The following ADAMTS19 variants were observed in gnomAD, a reference collection of about 807,000 sequenced individuals.
ADAMTS19 encodes the protein ADAM metallopeptidase with thrombospondin type 1 motif 19.
A neutral mutation model predicts 153.3 loss-of-function variants in ADAMTS19; 93 were observed. The observed-to-expected ratio is 0.61, with a 90% CI of 0.51 to 0.72. ADAMTS19 has a LOEUF of 0.72. Ranked by LOEUF, ADAMTS19 falls within the 30% of genes least tolerant of loss-of-function variation. The pLI is 0.00. For synonymous variants in ADAMTS19, 600 were observed against 556.6 expected (o/e 1.08, Z -1.10); for missense variants, 1,482 against 1,552.1 (o/e 0.95, Z 0.76).
intron 7 of ADAMTS19, among the ~76,000 whole-genome samples, chr5:129,589,983 G>A (rs1423587742): frequency 1.3e-5 from 2 of 152,078 alleles, no homozygotes; most frequent in East Asian, 1.9e-4. Flanking sequence ...CGGTAGCTTC[G>A]GGTTTTGATT....
At chr5:129,622,688 C>T (rs554469138) in intron 10 of ADAMTS19, among the ~76,000 whole-genome samples, 2 of 152,038 alleles carry the variant, frequency 1.3e-5, no homozygotes, top group African/African-American at 4.8e-5. Context: ...GGTTTCAGTA[C>T]CCACATCCTG....
intron 2 of ADAMTS19, among the ~76,000 whole-genome samples, chr5:129,482,015 T>C (rs1298625925): frequency 6.6e-6 from 1 of 152,186 alleles, no homozygotes; most frequent in Non-Finnish European, 1.5e-5. Context: ...TTGCCTTTGC[T>C]TCCTCTGCAT....
chr5:129,613,783 T>C (rs1267455402), intron 8 of ADAMTS19, among the ~76,000 whole-genome samples: 8 of 151,890 alleles, frequency 5.3e-5, no homozygotes, highest in Admixed American at 1.3e-4. Flanking sequence ...ATTGATAGAC[T>C]GCTAGCGAGA....
At chr5:129,473,183 A>T (rs1334930760) in intron 2 of ADAMTS19, among the ~76,000 whole-genome samples, 1 of 126,644 alleles carries the variant, frequency 7.9e-6, no homozygotes, top group Non-Finnish European at 1.7e-5. Flanking sequence ...AAACTCATTA[A>T]AATAAACAGT....
Position 129,737,414 on chromosome 5 carries a change from C to A in ADAMTS19, c.*196C>A. 5.1e-6 allele frequency: 2 copies of A among 390,486 alleles called. No individual in the cohort carries two copies. Among genetic ancestry groups the A allele is most frequent in the Non-Finnish European group, 8.3e-6 (2 of 240,488 alleles). 24.2% of individuals were successfully genotyped at this position (390,486 alleles called of 1,614,324 possible). A position where few individuals can be genotyped will look rare whatever the true frequency, so the allele number is the denominator to read the frequency against. ...CATTTTGATTTATACTATATGGCTT[C>A]ATAAATAATTTTATATGAATGAATT... On this transcript the variant is annotated 3_prime_UTR_variant, in exon 23 of 23. Coordinates refer to ENST00000274487, the MANE Select transcript of ADAMTS19 (RefSeq NM_133638.6).
At chr5:129,596,143 A>G (rs1479641040) in intron 7 of ADAMTS19, among the ~76,000 whole-genome samples, 1 of 152,028 alleles carries the variant, frequency 6.6e-6, no homozygotes, top group East Asian at 1.9e-4. Flanking sequence ...ACTGCTTTAT[A>G]TGTAGTTTAT....
chr5:129,467,501 T>A (rs1396119007), intron 2 of ADAMTS19, among the ~76,000 whole-genome samples: 6 of 152,164 alleles, frequency 3.9e-5, no homozygotes. Flanking sequence ...CAAATCTAGA[T>A]ATACATTCAC....
At chr5:129,647,698 T>G in intron 11 of ADAMTS19, 67 bp from the exon 12 acceptor site, 1 of 1,562,578 alleles carries the variant, frequency 6.4e-7, no homozygotes, top group Non-Finnish European at 8.7e-7. Context: ...CCAGTGACAT[T>G]ATAGGCCAGC....
At chr5:129,611,001 A>G (rs1751184567) in intron 8 of ADAMTS19, among the ~76,000 whole-genome samples, 1 of 152,126 alleles carries the variant, frequency 6.6e-6, no homozygotes, top group Admixed American at 6.6e-5. Flanking sequence ...GTGAGATGGT[A>G]TCTCATTGTG....
intron 7 of ADAMTS19, among the ~76,000 whole-genome samples, chr5:129,577,579 T>C (rs1749204626): frequency 6.6e-6 from 1 of 152,046 alleles, no homozygotes; most frequent in Non-Finnish European, 1.5e-5. Flanking sequence ...ATCTGGAAAA[T>C]ACATCTAAGG....
At chr5:129,492,847 C>T (rs1750813492) in intron 2 of ADAMTS19, among the ~76,000 whole-genome samples, 1 of 152,124 alleles carries the variant, frequency 6.6e-6, no homozygotes, top group South Asian at 2.1e-4. Context: ...TTTTCCCGAA[C>T]ATGCCATAAT....
At chr5:129,643,531 G>A (rs1478417721) in intron 11 of ADAMTS19, among the ~76,000 whole-genome samples, 4 of 151,838 alleles carry the variant, frequency 2.6e-5, no homozygotes, top group East Asian at 1.9e-4. Flanking sequence ...AGCCATTTCT[G>A]GATTGTTTGA....
intron 7 of ADAMTS19, among the ~76,000 whole-genome samples, chr5:129,574,443 C>T (rs755677799): frequency 3.9e-5 from 6 of 151,986 alleles, no homozygotes; most frequent in Non-Finnish European, 7.4e-5. Context: ...CCTCGACAGG[C>T]CTTGGTGTGT....
chr5:129,582,994 C>G (rs1162683946), intron 7 of ADAMTS19, among the ~76,000 whole-genome samples: 3 of 152,200 alleles, frequency 2.0e-5, no homozygotes, highest in African/African-American at 7.2e-5. Flanking sequence ...GATGCAGTTT[C>G]TTCATAGTGT....
intron 6 of ADAMTS19, 86 bp from the exon 7 acceptor site, chr5:129,551,778 C>T: frequency 1.3e-6 from 1 of 764,280 alleles, no homozygotes; most frequent in South Asian, 1.8e-5. Flanking sequence ...TTCAATTAAT[C>T]ATATAACTAT....
intron 3 of ADAMTS19, among the ~76,000 whole-genome samples, chr5:129,523,163 T>G (rs556596401): frequency 6.6e-6 from 1 of 151,736 alleles, no homozygotes; most frequent in East Asian, 1.9e-4. Context: ...TAGGATAGAA[T>G]AGAAGAGAAT....
At chr5:129,642,442 G>A (rs1426855774) in intron 11 of ADAMTS19, among the ~76,000 whole-genome samples, 1 of 152,062 alleles carries the variant, frequency 6.6e-6, no homozygotes, top group Admixed American at 6.6e-5. Context: ...GGCTGTCTGT[G>A]TAGTTTAATG....
chr5:129,684,330 A>T, intron 18 of ADAMTS19, 57 bp downstream of exon 18: 6 of 1,580,622 alleles, frequency 3.8e-6, no homozygotes, highest in Non-Finnish European at 5.2e-6. Context: ...CTGATTAAGC[A>T]TTGATAATTA....
chr5:129,544,876 A>G (rs2126806560), intron 6 of ADAMTS19, among the ~76,000 whole-genome samples: 1 of 152,278 alleles, frequency 6.6e-6, no homozygotes, highest in East Asian at 1.9e-4. Flanking sequence ...ACCCCAGGTT[A>G]GGACAAAAAT....
Sources: gnomAD v4.1 joint callset for allele counts (sites outside exome capture counted in the v4.1 genomes callset) on GRCh38, gnomAD v4.1.1 for gene constraint, MANE v1.5 for transcripts, NCBI Gene and HGNC (gene_info 2026-07-23, HGNC 2026-07-21) for gene names.